NSMCE2: variants seen among roughly 807,000 people sequenced by gnomAD.
NSMCE2 encodes the protein NSE2 SUMO ligase component of SMC5/6 complex.
NSMCE2 carries 24 observed loss-of-function variants against 23.8 expected under a neutral mutation model. The ratio of observed to expected loss-of-function variants is 1.01; its 90% CI spans 0.73 to 1.42. The LOEUF (loss-of-function observed/expected upper bound fraction) is 1.42, where lower values mean the gene tolerates loss of function less well. Ranked by LOEUF, NSMCE2 falls within the 40% of genes most tolerant of loss-of-function variation. The pLI is 0.00. For synonymous variants in NSMCE2, 92 were observed against 94.1 expected (o/e 0.98, Z 0.13); for missense variants, 284 against 296.5 (o/e 0.96, Z 0.31).
At chr8:125,217,365 T>TAA (rs1563725587) in intron 5 of NSMCE2, among the ~76,000 whole-genome samples, 436 of 147,838 alleles carry the variant, frequency 2.9e-3, no homozygotes, top group African/African-American at 0.01. Flanking sequence ...ATTTATTTTT[T>TAA]ATTTATTTAT....
At chr8:125,303,838 C>T (rs1828655955) in intron 5 of NSMCE2, among the ~76,000 whole-genome samples, 2 of 152,188 alleles carry the variant, frequency 1.3e-5, no homozygotes, top group African/African-American at 4.8e-5. Flanking sequence ...AATTTCATTG[C>T]ATCAAGTGTG....
chr8:125,098,440 G>A (rs1454240533), intron 1 of NSMCE2, among the ~76,000 whole-genome samples: 1 of 152,144 alleles, frequency 6.6e-6, no homozygotes, highest in Non-Finnish European at 1.5e-5. Flanking sequence ...GAGTTTTTGA[G>A]CAGAGGAGTC....
chr8:125,243,980 A>G (rs1057445072), intron 5 of NSMCE2, among the ~76,000 whole-genome samples: 1 of 152,212 alleles, frequency 6.6e-6, no homozygotes, highest in Non-Finnish European at 1.5e-5. Context: ...CTGGAGCCAC[A>G]TAAGTAATTA....
chr8:125,211,281 G>C (rs1237592496), intron 5 of NSMCE2, among the ~76,000 whole-genome samples: 1 of 152,136 alleles, frequency 6.6e-6, no homozygotes, highest in East Asian at 1.9e-4. Context: ...CCTGGAAACA[G>C]TTACTCTTAC....
intron 5 of NSMCE2, among the ~76,000 whole-genome samples, chr8:125,316,880 G>A (rs572517071): frequency 1.3e-5 from 2 of 151,958 alleles, no homozygotes; most frequent in South Asian, 2.1e-4. Flanking sequence ...TCAGACTCAA[G>A]GAATTCTTGC....
intron 4 of NSMCE2, among the ~76,000 whole-genome samples, chr8:125,155,268 A>G (rs1821249413): frequency 6.6e-6 from 1 of 152,186 alleles, no homozygotes; most frequent in South Asian, 2.1e-4. Context: ...GGAGGAAATG[A>G]TATTTAAGAT....
At chr8:125,293,324 A>G (rs1028152784) in intron 5 of NSMCE2, among the ~76,000 whole-genome samples, 1 of 152,176 alleles carries the variant, frequency 6.6e-6, no homozygotes, top group Non-Finnish European at 1.5e-5. Context: ...GGTGGTTCTT[A>G]TTGTTATAAC....
At chr8:125,123,133 T>TA (rs1389567962) in intron 3 of NSMCE2, among the ~76,000 whole-genome samples, 2 of 152,186 alleles carry the variant, frequency 1.3e-5, no homozygotes, top group Admixed American at 6.5e-5. Flanking sequence ...TATATATATA[T>TA]TTTTCTGGCC....
intron 5 of NSMCE2, among the ~76,000 whole-genome samples, chr8:125,292,094 T>C (rs529438867): frequency 2.9e-4 from 44 of 151,902 alleles, no homozygotes; most frequent in Middle Eastern, 3.4e-3. Flanking sequence ...GAGTCACAAG[T>C]ACCACACCTA....
intron 5 of NSMCE2, among the ~76,000 whole-genome samples, chr8:125,334,041 A>C (rs1454005378): frequency 6.6e-6 from 1 of 152,122 alleles, no homozygotes; most frequent in Non-Finnish European, 1.5e-5. Context: ...ATAAACAGAC[A>C]AAGTTGTCTG....
chr8:125,152,396 C>G (rs1821082721), intron 4 of NSMCE2, among the ~76,000 whole-genome samples: 1 of 152,168 alleles, frequency 6.6e-6, no homozygotes, highest in Non-Finnish European at 1.5e-5. Flanking sequence ...CTCAGAGATT[C>G]TGATTTCATT....
intron 5 of NSMCE2, among the ~76,000 whole-genome samples, chr8:125,352,200 G>T (rs888583933): frequency 1.3e-5 from 2 of 152,042 alleles, no homozygotes; most frequent in African/African-American, 2.4e-5. Flanking sequence ...ACAATTTGGG[G>T]CTGGGCGTGG....
intron 5 of NSMCE2, among the ~76,000 whole-genome samples, chr8:125,319,901 G>T (rs1829354348): frequency 6.6e-6 from 1 of 152,074 alleles, no homozygotes; most frequent in Non-Finnish European, 1.5e-5. Flanking sequence ...GGCTGGCCAG[G>T]CGTGGTGGCT....
chr8:125,338,479 G>C (rs1376352170), intron 5 of NSMCE2, among the ~76,000 whole-genome samples: 1 of 152,172 alleles, frequency 6.6e-6, no homozygotes, highest in South Asian at 2.1e-4. Flanking sequence ...TGTCCTGACA[G>C]CAGAGTGCAA....
chr8:125,328,822 A>C (rs1295240142), intron 5 of NSMCE2, among the ~76,000 whole-genome samples: 5 of 150,002 alleles, frequency 3.3e-5, no homozygotes, highest in Non-Finnish European at 7.4e-5. Context: ...TAATCTTAAA[A>C]TGTCACAGCT....
intron 5 of NSMCE2, among the ~76,000 whole-genome samples, chr8:125,339,564 C>G (rs1032477747): frequency 3.3e-5 from 5 of 152,084 alleles, no homozygotes; most frequent in African/African-American, 1.2e-4. Context: ...CTCCTATTCC[C>G]TAGTGTATCA....
At chr8:125,283,422 C>T (rs1206298783) in intron 5 of NSMCE2, among the ~76,000 whole-genome samples, 1 of 152,080 alleles carries the variant, frequency 6.6e-6, no homozygotes, top group African/African-American at 2.4e-5. Context: ...ACCTGCAGTC[C>T]CAGCTACTTG....
At chr8:125,257,933 G>T (rs1210109512) in intron 5 of NSMCE2, among the ~76,000 whole-genome samples, 1 of 152,198 alleles carries the variant, frequency 6.6e-6, no homozygotes, top group Non-Finnish European at 1.5e-5. Context: ...AAGAACACAG[G>T]AGCATGAGAG....
At chr8:125,280,147 AT>A (rs901597511) in intron 5 of NSMCE2, among the ~76,000 whole-genome samples, 2 of 152,186 alleles carry the variant, frequency 1.3e-5, no homozygotes, top group African/African-American at 2.4e-5. Context: ...GGAAAAGATG[AT>A]TTTTTAAAGC....
Sources: allele counts gnomAD v4.1 joint callset (sites outside exome capture counted in the v4.1 genomes callset), GRCh38; gene constraint gnomAD v4.1.1; transcripts MANE v1.5; gene names NCBI Gene and HGNC (gene_info 2026-07-23, HGNC 2026-07-21).